Variants in MICU1 observed in about 807,000 individuals in gnomAD.
MICU1 encodes the protein calcium uptake protein 1, mitochondrial.
Under a neutral mutation model 56.8 loss-of-function variants are expected in MICU1, and 45 were observed. The ratio of observed to expected loss-of-function variants is 0.79; its 90% CI spans 0.62 to 1.02. The LOEUF (loss-of-function observed/expected upper bound fraction) is 1.02, where lower values mean the gene tolerates loss of function less well. MICU1 is among the 50% of genes least tolerant of loss of function. The pLI is 0.00. For missense variants in MICU1, 504 were observed against 587.1 expected (o/e 0.86, Z 1.46); for synonymous variants, 186 against 195.1 (o/e 0.95, Z 0.39).
intron 8 of MICU1, among the ~76,000 whole-genome samples, chr10:72,441,753 A>T (rs1864941983): frequency 6.6e-6 from 1 of 150,858 alleles, no homozygotes; most frequent in African/African-American, 2.4e-5. Context: ...AGTAGCTGGG[A>T]CTACAGGCAT....
intron 1 of MICU1, among the ~76,000 whole-genome samples, chr10:72,569,237 A>ATATATTTT: frequency 7.6e-4 from 26 of 34,368 alleles, no homozygotes; most frequent in East Asian, 6.2e-3. Context: ...ATATATATAT[A>ATATATTTT]TTTTTTTTTT....
intron 8 of MICU1, among the ~76,000 whole-genome samples, chr10:72,449,002 A>G (rs1865209508): frequency 1.3e-5 from 2 of 152,128 alleles, no homozygotes; most frequent in South Asian, 4.1e-4. Flanking sequence ...TGGTGTTATC[A>G]TGGCTCACGT....
At chr10:72,538,621 T>C (rs1007985533) in intron 4 of MICU1, among the ~76,000 whole-genome samples, 1 of 151,964 alleles carries the variant, frequency 6.6e-6, no homozygotes, top group East Asian at 1.9e-4. Context: ...AATTAAAATA[T>C]ACTACCAGAG....
chr10:72,499,757 C>T (rs7071469), intron 6 of MICU1, among the ~76,000 whole-genome samples: 86,367 of 151,866 alleles, frequency 0.57, 25,476 homozygotes, highest in Non-Finnish European at 0.67. Flanking sequence ...TTAGGCCTTG[C>T]CCATATTTTT....
intron 6 of MICU1, among the ~76,000 whole-genome samples, chr10:72,503,194 C>T (rs1867134535): frequency 6.6e-6 from 1 of 151,908 alleles, no homozygotes; most frequent in African/African-American, 2.4e-5. Flanking sequence ...GGAGTCTCAG[C>T]GGGAGAGGAA....
intron 4 of MICU1, among the ~76,000 whole-genome samples, chr10:72,544,147 G>A (rs573482996): frequency 2.0e-3 from 303 of 149,036 alleles, no homozygotes; most frequent in African/African-American, 7.2e-3. Flanking sequence ...GATTACCGGT[G>A]CATGCAGCCC....
At chr10:72,610,303 A>G (rs569435698) in intron 1 of MICU1, among the ~76,000 whole-genome samples, 2 of 151,926 alleles carry the variant, frequency 1.3e-5, no homozygotes, top group African/African-American at 4.8e-5. Flanking sequence ...TATGTTATAT[A>G]TATTTTACGA....
chr10:72,497,315 C>T (rs921682780), intron 6 of MICU1, among the ~76,000 whole-genome samples: 1 of 152,148 alleles, frequency 6.6e-6, no homozygotes, highest in Non-Finnish European at 1.5e-5. Flanking sequence ...ACCTCAGCCT[C>T]CTAAAGTGCT....
chr10:72,542,099 T>C (rs1839786996), intron 4 of MICU1, among the ~76,000 whole-genome samples: 1 of 152,210 alleles, frequency 6.6e-6, no homozygotes, highest in Non-Finnish European at 1.5e-5. Flanking sequence ...TACATGATGT[T>C]ATAGTCTTCA....
chr10:72,597,143 T>C (rs1221276281), intron 1 of MICU1, among the ~76,000 whole-genome samples: 1 of 152,210 alleles, frequency 6.6e-6, no homozygotes, highest in African/African-American at 2.4e-5. Flanking sequence ...TCACACTATA[T>C]GGCATTTTCC....
intron 10 of MICU1, among the ~76,000 whole-genome samples, chr10:72,382,608 C>T (rs1174474809): frequency 6.6e-6 from 1 of 151,938 alleles, no homozygotes; most frequent in East Asian, 2.0e-4. Context: ...AGTCTCCTTG[C>T]AAGAAAGTCT....
At chr10:72,375,079 T>C (rs931473783) in intron 11 of MICU1, among the ~76,000 whole-genome samples, 2 of 152,036 alleles carry the variant, frequency 1.3e-5, no homozygotes, top group Admixed American at 6.6e-5. Flanking sequence ...CCAAATACTA[T>C]TATCTTTGTG....
chr10:72,458,839 T>C (rs1343054936), intron 8 of MICU1, among the ~76,000 whole-genome samples: 1 of 151,190 alleles, frequency 6.6e-6, no homozygotes, highest in Admixed American at 6.6e-5. Context: ...GCCTCCCAAG[T>C]AGCTGGGACC....
At chr10:72,578,143 C>A (rs1442785987) in intron 1 of MICU1, among the ~76,000 whole-genome samples, 1 of 152,090 alleles carries the variant, frequency 6.6e-6, no homozygotes, top group Non-Finnish European at 1.5e-5. Context: ...CCACAGCCAC[C>A]CCAGTCTTCA....
At chr10:72,430,435 A>T (rs1430414110) in intron 8 of MICU1, among the ~76,000 whole-genome samples, 1 of 152,230 alleles carries the variant, frequency 6.6e-6, no homozygotes, top group East Asian at 1.9e-4. Flanking sequence ...ATACATAATA[A>T]TACATATAAC....
chr10:72,392,380 G>GC (rs984024994), intron 10 of MICU1, among the ~76,000 whole-genome samples: 1 of 152,088 alleles, frequency 6.6e-6, no homozygotes, highest in Non-Finnish European at 1.5e-5. Context: ...GACCAGCCTG[G>GC]CCAATATAGT....
At chr10:72,566,034 A>ACTTTC (rs1840424881) in intron 2 of MICU1, among the ~76,000 whole-genome samples, 3 of 78,222 alleles carry the variant, frequency 3.8e-5, no homozygotes, top group African/African-American at 1.5e-4. Context: ...GAAAGCATTC[A>ACTTTC]TTTTCTTTTT....
intron 3 of MICU1, chr10:72,562,640 C>G (rs1411804357): frequency 3.3e-6 from 1 of 298,760 alleles, no homozygotes; most frequent in East Asian, 5.7e-5. Flanking sequence ...AAAAAAGAAT[C>G]ACCTTAGGCA....
At chr10:72,608,966 T>C (rs1439206025) in intron 1 of MICU1, among the ~76,000 whole-genome samples, 1 of 152,238 alleles carries the variant, frequency 6.6e-6, no homozygotes, top group African/African-American at 2.4e-5. Context: ...TTCTGAGGGC[T>C]GGCCAATTTA....
Sources: allele counts gnomAD v4.1 joint callset (sites outside exome capture counted in the v4.1 genomes callset), GRCh38; gene constraint gnomAD v4.1.1; transcripts MANE v1.5; gene names NCBI Gene and HGNC (gene_info 2026-07-23, HGNC 2026-07-21).